Variants in CDK6 observed in about 807,000 individuals in gnomAD.
CDK6 encodes the protein cyclin-dependent kinase 6.
In CDK6, 6 loss-of-function variants were observed where a neutral mutation model predicts 37.1. That is an observed-to-expected ratio of 0.16 (90% CI 0.09 to 0.32). The LOEUF is 0.32. Ranked by LOEUF, CDK6 falls within the 10% of genes least tolerant of loss-of-function variation. The pLI is 1.00. For synonymous variants in CDK6, 160 were observed against 161.3 expected, an observed-to-expected ratio of 0.99 and a Z score of 0.06; for missense variants, 224 against 418.9, an observed-to-expected ratio of 0.53 and a Z score of 4.06.
At chr7:92,747,698 T>C (rs893822748) in intron 3 of CDK6, among the ~76,000 whole-genome samples, 1 of 152,218 alleles carries the variant, frequency 6.6e-6, no homozygotes, top group Non-Finnish European at 1.5e-5. Flanking sequence ...CTTTTGTCAT[T>C]TGTAACACAC....
intron 5 of CDK6, among the ~76,000 whole-genome samples, chr7:92,627,987 A>C (rs565775026): frequency 6.6e-6 from 1 of 152,256 alleles, no homozygotes; most frequent in East Asian, 1.9e-4. Context: ...GGCTTTAAGC[A>C]TGCGGTATTA....
intron 2 of CDK6, among the ~76,000 whole-genome samples, chr7:92,793,215 C>T (rs1301498970): frequency 6.6e-6 from 1 of 152,080 alleles, no homozygotes; most frequent in Non-Finnish European, 1.5e-5. Flanking sequence ...ACATCAAAAT[C>T]CCAGCTGGCT....
At position 92,710,817 on chromosome 7, in the gene CDK6, C is replaced by T. The variant is rs1003187719; in HGVS notation, c.537+14809G>A. The T allele has an allele frequency of 3.0e-6, 3 of 985,294 alleles. No homozygotes were observed. In the African/African-American group the frequency reaches 5.2e-5, roughly 17 times the overall value. The allele number at this position is 985,294 out of a possible 1,614,324, so 61.0% of individuals were successfully genotyped here. A position where few individuals can be genotyped will look rare whatever the true frequency, so the allele number is the denominator to read the frequency against. ...ATGAGGGCTGATACTCAGAGGAGAC[C>T]CGGGCAGACGGATGACTTGGACACC... On this transcript the variant is annotated intron_variant, in intron 4 of 7. Transcript: ENST00000424848.
chr7:92,801,348 T>C (rs1256822927), intron 2 of CDK6, among the ~76,000 whole-genome samples: 1 of 152,212 alleles, frequency 6.6e-6, no homozygotes, highest in Non-Finnish European at 1.5e-5. Context: ...AGAAATGAAC[T>C]GGAAAAATTG....
At chr7:92,709,396 G>A (rs1798036106) in intron 4 of CDK6, among the ~76,000 whole-genome samples, 1 of 151,824 alleles carries the variant, frequency 6.6e-6, no homozygotes, top group South Asian at 2.1e-4. Context: ...CTCCTCACTT[G>A]TAAGCCTGCC....
intron 5 of CDK6, among the ~76,000 whole-genome samples, chr7:92,668,103 AT>A (rs1039175938): frequency 2.0e-5 from 3 of 152,076 alleles, no homozygotes; most frequent in Non-Finnish European, 4.4e-5. Flanking sequence ...ATCATTTTTT[AT>A]TTTTTATACC....
intron 4 of CDK6, among the ~76,000 whole-genome samples, chr7:92,679,865 C>G (rs951428260): frequency 6.6e-6 from 1 of 151,752 alleles, no homozygotes; most frequent in African/African-American, 2.4e-5. Flanking sequence ...GGATTACAGG[C>G]GTGCACCACC....
chr7:92,627,933 A>T (rs1795966079), intron 5 of CDK6, among the ~76,000 whole-genome samples: 2 of 138,830 alleles, frequency 1.4e-5, no homozygotes, highest in Non-Finnish European at 3.3e-5. Flanking sequence ...AAATAAATTA[A>T]AAAAAAAACT....
intron 7 of CDK6, among the ~76,000 whole-genome samples, chr7:92,616,112 T>G (rs746137390): frequency 6.6e-6 from 1 of 152,070 alleles, no homozygotes; most frequent in African/African-American, 2.4e-5. Flanking sequence ...AGCTCACAAG[T>G]AGCAGGGAAG....
chr7:92,728,620 T>A (rs1048831986), intron 3 of CDK6, among the ~76,000 whole-genome samples: 4 of 152,170 alleles, frequency 2.6e-5, no homozygotes, highest in African/African-American at 9.7e-5. Flanking sequence ...TAAAAGGGCT[T>A]GTTAATATCA....
intron 6 of CDK6, among the ~76,000 whole-genome samples, chr7:92,620,504 C>G (rs1321513478): frequency 6.6e-6 from 1 of 152,184 alleles, no homozygotes; most frequent in Non-Finnish European, 1.5e-5. Flanking sequence ...GCTATGACAT[C>G]ATTCTTAAAA....
At chr7:92,688,759 T>C (rs946501464) in intron 4 of CDK6, among the ~76,000 whole-genome samples, 8 of 152,346 alleles carry the variant, frequency 5.3e-5, no homozygotes, top group Middle Eastern at 3.4e-3. Flanking sequence ...ATTTCTTCTA[T>C]GGACATAATT....
intron 2 of CDK6, among the ~76,000 whole-genome samples, chr7:92,817,407 ATCAAT>A (rs1801057378): frequency 6.6e-6 from 1 of 151,918 alleles, no homozygotes; most frequent in Non-Finnish European, 1.5e-5. Context: ...TAAAAAAATA[ATCAAT>A]TCAATTCTTC....
intron 5 of CDK6, among the ~76,000 whole-genome samples, chr7:92,630,805 A>G (rs2116511356): frequency 6.6e-6 from 1 of 152,220 alleles, no homozygotes; most frequent in Non-Finnish European, 1.5e-5. Flanking sequence ...GCATTGAAAA[A>G]CTTTAATGAC....
chr7:92,658,495 A>G (rs1423671271), intron 5 of CDK6, among the ~76,000 whole-genome samples: 1 of 152,202 alleles, frequency 6.6e-6, no homozygotes, highest in Non-Finnish European at 1.5e-5. Flanking sequence ...TGTACAGAAG[A>G]GTATCGGGTA....
intron 4 of CDK6, among the ~76,000 whole-genome samples, chr7:92,704,777 A>C (rs1463439003): frequency 6.6e-6 from 1 of 152,178 alleles, no homozygotes; most frequent in African/African-American, 2.4e-5. Context: ...TTGGTATTAC[A>C]AACAATGCTG....
chr7:92,733,041 A>G (rs1359445649), intron 3 of CDK6, among the ~76,000 whole-genome samples: 1 of 152,232 alleles, frequency 6.6e-6, no homozygotes, highest in East Asian at 1.9e-4. Flanking sequence ...TGTAATTTGC[A>G]GCTGAAAATT....
intron 5 of CDK6, among the ~76,000 whole-genome samples, chr7:92,667,909 T>C (rs959960659): frequency 9.9e-5 from 15 of 152,122 alleles, no homozygotes; most frequent in African/African-American, 2.4e-4. Flanking sequence ...GTTGTTATTA[T>C]TGAAGAAAGA....
chr7:92,805,530 A>G (rs1800701783), intron 2 of CDK6, among the ~76,000 whole-genome samples: 1 of 152,176 alleles, frequency 6.6e-6, no homozygotes, highest in African/African-American at 2.4e-5. Flanking sequence ...AAACTCCCTC[A>G]GTGTAATCAT....
Sources: gnomAD v4.1 joint callset for allele counts (sites outside exome capture counted in the v4.1 genomes callset) on GRCh38, gnomAD v4.1.1 for gene constraint, MANE v1.5 for transcripts, NCBI Gene and HGNC (gene_info 2026-07-23, HGNC 2026-07-21) for gene names.